The following PTPRM variants were observed in gnomAD, a reference collection of about 807,000 sequenced individuals.
PTPRM encodes receptor-type tyrosine-protein phosphatase mu.
In PTPRM, 47 loss-of-function variants were observed where a neutral mutation model predicts 186.7. The observed-to-expected ratio is 0.25, with a 90% CI of 0.20 to 0.32. The LOEUF (loss-of-function observed/expected upper bound fraction) is 0.32. Ranked by LOEUF, PTPRM falls within the 10% of genes least tolerant of loss-of-function variation. The probability of loss-of-function intolerance (pLI) is 1.00; values close to 1 mark genes in which losing one functional copy is unlikely to be tolerated. For synonymous variants in PTPRM, 668 were observed against 674.9 expected (o/e 0.99, Z 0.16); for missense variants, 1,494 against 1,865.0 (o/e 0.80, Z 3.66).
chr18:8,157,009 C>T (rs762038245), intron 14 of PTPRM, among the ~76,000 whole-genome samples: 26 of 152,008 alleles, frequency 1.7e-4, no homozygotes, highest in Non-Finnish European at 2.8e-4. Flanking sequence ...TTAGAGGAAG[C>T]CATAAAGCAG....
intron 1 of PTPRM, among the ~76,000 whole-genome samples, chr18:7,704,205 T>G (rs952396064): frequency 1.3e-5 from 2 of 152,156 alleles, no homozygotes; most frequent in Non-Finnish European, 2.9e-5. Context: ...TTAGGGAGGA[T>G]TTCCTCTTTT....
chr18:8,394,349 GT>G, intron 31 of PTPRM, 126 bp from the exon 32 acceptor site: 1 of 1,051,028 alleles, frequency 9.5e-7, no homozygotes, highest in Non-Finnish European at 1.3e-6. Flanking sequence ...CAGGTAAGAG[GT>G]CCCCCGGCCT....
chr18:8,313,213 T>G (rs1249848872), intron 20 of PTPRM, among the ~76,000 whole-genome samples: 1 of 152,188 alleles, frequency 6.6e-6, no homozygotes, highest in Non-Finnish European at 1.5e-5. Flanking sequence ...CAGTAGCAGT[T>G]TAGAAGCAGG....
intron 19 of PTPRM, among the ~76,000 whole-genome samples, chr18:8,258,285 AAG>A (rs1229293686): frequency 6.6e-6 from 1 of 152,130 alleles, no homozygotes; most frequent in East Asian, 1.9e-4. Context: ...AGAAAAGTAG[AAG>A]AGAGAGCGCT....
chr18:8,141,346 G>A (rs557991994), intron 13 of PTPRM, among the ~76,000 whole-genome samples: 19 of 152,266 alleles, frequency 1.2e-4, no homozygotes, highest in African/African-American at 2.4e-4. Context: ...CCGTCATCAC[G>A]TTGCAACTGT....
intron 9 of PTPRM, among the ~76,000 whole-genome samples, 164 bp from the exon 10 acceptor site, chr18:8,085,507 G>T (rs542191143): frequency 6.6e-6 from 1 of 152,240 alleles, no homozygotes; most frequent in African/African-American, 2.4e-5. Context: ...AGCAGCTTTG[G>T]CGGAGTTCCT....
intron 2 of PTPRM, among the ~76,000 whole-genome samples, chr18:7,863,278 A>G (rs761263764): frequency 1.3e-4 from 20 of 152,182 alleles, no homozygotes; most frequent in African/African-American, 2.6e-4. Context: ...AGGTATACAC[A>G]TGCCATGGTG....
intron 1 of PTPRM, among the ~76,000 whole-genome samples, chr18:7,699,073 C>G (rs8084932): frequency 0.062 from 9,508 of 152,152 alleles, 770 homozygotes; most frequent in African/African-American, 0.18. Context: ...GTCAGATCAG[C>G]GGCAGCATTA....
chr18:8,270,924 A>G (rs2094764060), intron 19 of PTPRM, among the ~76,000 whole-genome samples: 1 of 152,142 alleles, frequency 6.6e-6, no homozygotes, highest in South Asian at 2.1e-4. Context: ...AATGTACAGC[A>G]TGGTACAGCA....
intron 7 of PTPRM, among the ~76,000 whole-genome samples, chr18:7,989,118 T>C (rs1385298949): frequency 6.6e-6 from 1 of 152,234 alleles, no homozygotes; most frequent in Non-Finnish European, 1.5e-5. Context: ...TCTATATTTG[T>C]TTTTGTGGCT....
At chr18:8,221,613 C>T (rs2094153931) in intron 14 of PTPRM, among the ~76,000 whole-genome samples, 1 of 152,152 alleles carries the variant, frequency 6.6e-6, no homozygotes, top group Non-Finnish European at 1.5e-5. Context: ...TTGGTTACAG[C>T]CTGGCATTTG....
intron 1 of PTPRM, among the ~76,000 whole-genome samples, chr18:7,666,859 C>T (rs2039107801): frequency 6.6e-6 from 1 of 152,112 alleles, no homozygotes; most frequent in African/African-American, 2.4e-5. Flanking sequence ...AGGGATTTGG[C>T]AGGGGGTAGG....
At chr18:7,913,616 G>C (rs1412443982) in intron 4 of PTPRM, among the ~76,000 whole-genome samples, 1 of 152,074 alleles carries the variant, frequency 6.6e-6, no homozygotes, top group African/African-American at 2.4e-5. Flanking sequence ...ATATTATATT[G>C]ATTGATTTTG....
At position 8,018,770 on chromosome 18, in the gene PTPRM, G is replaced by T. The variant is rs540311934; in HGVS notation, c.1133-50916G>T. Among the ~76,000 whole-genome samples the T allele has an allele frequency of 2.0e-5, 3 of 152,174 alleles. No individual in the cohort carries two copies. The East Asian group carries it at 5.8e-4, about 29-fold the overall frequency. ...TATACTGAATATTATACTAGAAACT[G>T]AATGATGATTCAGAATAGTATAGGT... On this transcript the variant is annotated intron_variant, in intron 7 of 32. Transcript: ENST00000580170.
intron 5 of PTPRM, among the ~76,000 whole-genome samples, chr18:7,929,998 AGAGT>A (rs1484766297): frequency 1.3e-5 from 2 of 152,216 alleles, no homozygotes; most frequent in African/African-American, 4.8e-5. Context: ...ATCTCTCTCA[AGAGT>A]GAGTCAATAT....
chr18:7,869,066 C>G (rs1366182745), intron 2 of PTPRM, among the ~76,000 whole-genome samples: 1 of 152,172 alleles, frequency 6.6e-6, no homozygotes, highest in Non-Finnish European at 1.5e-5. Context: ...TGGAGCATCC[C>G]AGGTTGACTT....
intron 23 of PTPRM, among the ~76,000 whole-genome samples, chr18:8,365,362 C>A (rs1190855127): frequency 2.0e-5 from 3 of 152,190 alleles, no homozygotes; most frequent in Non-Finnish European, 4.4e-5. Context: ...CTTGCTAGGT[C>A]TCTTCTGGGC....
intron 14 of PTPRM, among the ~76,000 whole-genome samples, chr18:8,211,377 C>CTTTTTTTTTTTTTTTTTTTTTTTTTTTT (rs970926126): frequency 1.9e-4 from 17 of 87,234 alleles, no homozygotes; most frequent in Non-Finnish European, 2.7e-4. Flanking sequence ...GTCTCTTCTT[C>CTTTTTTTTTTTTTTTTTTTTTTTTTTTT]TTTTTTTTTT....
intron 2 of PTPRM, among the ~76,000 whole-genome samples, chr18:7,794,371 C>G (rs2043497855): frequency 6.6e-6 from 1 of 152,096 alleles, no homozygotes; most frequent in Non-Finnish European, 1.5e-5. Context: ...CTGTATGCTC[C>G]CCTAGAGATT....
Sources: allele counts gnomAD v4.1 joint callset (sites outside exome capture counted in the v4.1 genomes callset), GRCh38; gene constraint gnomAD v4.1.1; transcripts MANE v1.5; gene names NCBI Gene and HGNC (gene_info 2026-07-23, HGNC 2026-07-21).